RIMS2: variants seen among roughly 807,000 people sequenced by gnomAD.
RIMS2 encodes the protein regulating synaptic membrane exocytosis 2, also known as regulating synaptic membrane exocytosis protein 2.
A neutral mutation model predicts 174.4 loss-of-function variants in RIMS2; 59 were observed. That is an observed-to-expected ratio of 0.34 (90% confidence interval 0.27 to 0.42). The LOEUF (loss-of-function observed/expected upper bound fraction) is 0.42. Ranked by LOEUF, RIMS2 falls within the 10% of genes least tolerant of loss-of-function variation. RIMS2 has a pLI of 1.00. For synonymous variants in RIMS2, 606 were observed against 572.5 expected (o/e 1.06, Z -0.84); for missense variants, 1,620 against 1,666.3 (o/e 0.97, Z 0.48).
intron 17 of RIMS2, among the ~76,000 whole-genome samples, chr8:104,000,935 G>T (rs921363128): frequency 6.6e-6 from 1 of 151,794 alleles, no homozygotes; most frequent in Non-Finnish European, 1.5e-5. Context: ...CTATTGAGTT[G>T]TTTGAGTTCC....
At chr8:103,800,719 G>T (rs895323544) in intron 3 of RIMS2, among the ~76,000 whole-genome samples, 3 of 152,072 alleles carry the variant, frequency 2.0e-5, no homozygotes, top group Non-Finnish European at 4.4e-5. Flanking sequence ...TGTATTGCTG[G>T]ATTGGATTTA....
intron 3 of RIMS2, among the ~76,000 whole-genome samples, chr8:103,836,226 A>G (rs533242232): frequency 6.6e-6 from 1 of 152,326 alleles, no homozygotes; most frequent in East Asian, 1.9e-4. Flanking sequence ...GAAGAATTTT[A>G]TGATAATTAT....
intron 2 of RIMS2, among the ~76,000 whole-genome samples, chr8:103,697,798 G>A (rs1340093262): frequency 3.3e-5 from 5 of 152,044 alleles, no homozygotes; most frequent in Admixed American, 3.3e-4. Context: ...AGGCTGAGGT[G>A]GGCGGATCAC....
At chr8:103,527,607 T>A (rs1834723472) in intron 1 of RIMS2, among the ~76,000 whole-genome samples, 1 of 152,112 alleles carries the variant, frequency 6.6e-6, no homozygotes, top group African/African-American at 2.4e-5. Flanking sequence ...GTTCTCGTTG[T>A]TCAGTTCCCA....
chr8:103,998,233 T>C (rs1345606589), intron 17 of RIMS2: 1 of 1,609,212 alleles, frequency 6.2e-7, no homozygotes, highest in East Asian at 2.2e-5. Flanking sequence ...CCATTGACCA[T>C]CATCACAGGG....
chr8:103,898,488 A>T lies in RIMS2; in HGVS notation c.1625-11646A>T, dbSNP rs187380748. Among the ~76,000 whole-genome samples, 10 of 151,802 alleles carry T rather than the reference A, an allele frequency of 6.6e-5. No individual in the cohort carries two copies. In the East Asian group the frequency reaches 1.9e-3, roughly 29 times the overall value. On this transcript the variant is annotated intron_variant, in intron 4 of 23. Coordinates refer to ENST00000504942, the Ensembl canonical transcript of RIMS2. ...GGGAAGATGCAACATCTGGCATGTTAACCTGAGATGGGGCTACTACTTGAT... is the reference window on the plus strand; with the variant it reads ...GGGAAGATGCAACATCTGGCATGTTTACCTGAGATGGGGCTACTACTTGAT...
chr8:104,065,126 G>T (rs1025585533), intron 19 of RIMS2, among the ~76,000 whole-genome samples: 1 of 151,964 alleles, frequency 6.6e-6, no homozygotes, highest in Admixed American at 6.6e-5. Flanking sequence ...GTGTTCTGTG[G>T]TCAAGTGGTT....
chr8:103,735,288 G>A (rs1385384491), intron 2 of RIMS2, among the ~76,000 whole-genome samples: 1 of 152,148 alleles, frequency 6.6e-6, no homozygotes, highest in African/African-American at 2.4e-5. Flanking sequence ...GATTTTCATT[G>A]TTAAAGTGGG....
chr8:104,164,741 A>G lies in RIMS2; in HGVS notation c.3335-80175A>G, dbSNP rs150864421. On this transcript the variant is annotated intron_variant, in intron 19 of 23. Coordinates refer to ENST00000504942, the Ensembl canonical transcript of RIMS2. ...CCACATGTTCTTACTTATAAGTGGA[A>G]GGTAAATGATGAGGACTCATGGACA... Among the ~76,000 whole-genome samples, 122 of 152,322 alleles carry G rather than the reference A, an allele frequency of 8.0e-4. 1 individual carries two copies. The highest frequency in any genetic ancestry group is 2.8e-3 in the African/African-American group (115 of 41,564).
At chr8:103,651,469 T>C (rs2096451463) in intron 1 of RIMS2, among the ~76,000 whole-genome samples, 1 of 152,216 alleles carries the variant, frequency 6.6e-6, no homozygotes, top group African/African-American at 2.4e-5. Context: ...AATATAAAAA[T>C]ATCTTCTCAT....
intron 1 of RIMS2, among the ~76,000 whole-genome samples, chr8:103,608,071 G>A (rs1309105617): frequency 6.7e-6 from 1 of 149,838 alleles, no homozygotes; most frequent in Non-Finnish European, 1.5e-5. Flanking sequence ...GAGGAGGAGA[G>A]GCGCTCTGCT....
intron 1 of RIMS2, among the ~76,000 whole-genome samples, chr8:103,592,809 G>T (rs1039038088): frequency 6.6e-6 from 1 of 151,276 alleles, no homozygotes; most frequent in East Asian, 1.9e-4. Context: ...TTGACTTAAG[G>T]TCTTTAATGA....
chr8:103,983,273 C>T (rs2094069693), intron 16 of RIMS2, among the ~76,000 whole-genome samples: 1 of 152,104 alleles, frequency 6.6e-6, no homozygotes, highest in Non-Finnish European at 1.5e-5. Context: ...GAAAGATGTT[C>T]CATGTTCATG....
At chr8:103,596,829 A>G (rs927730945) in intron 1 of RIMS2, among the ~76,000 whole-genome samples, 1 of 152,118 alleles carries the variant, frequency 6.6e-6, no homozygotes, top group African/African-American at 2.4e-5. Flanking sequence ...TTTTAAAGAC[A>G]CAGCTTAAGC....
At chr8:103,746,185 T>G (rs1443582721) in intron 2 of RIMS2, among the ~76,000 whole-genome samples, 1 of 152,248 alleles carries the variant, frequency 6.6e-6, no homozygotes, top group Non-Finnish European at 1.5e-5. Context: ...ATTGTTCCAG[T>G]GCCATTTATT....
rs931855861 is a variant in RIMS2 at position 103,604,149 on chromosome 8, T to G, written c.177-92937T>G. On this transcript the variant is annotated intron_variant, in intron 1 of 23. Transcript: ENST00000504942. ...GGTTTTAGGTCTAACGTTTAAGTCT[T>G]TAATCCATCTTGAATTAATTTTTGT... 1.1e-3 allele frequency among the ~76,000 whole-genome samples: 169 copies of G among 150,160 alleles called. 2 individuals carry two copies. Among genetic ancestry groups the G allele is most frequent in the Middle Eastern group, 3.4e-3 (1 of 294 alleles).
chr8:103,572,241 G>A (rs2092873974), intron 1 of RIMS2, among the ~76,000 whole-genome samples: 1 of 152,182 alleles, frequency 6.6e-6, no homozygotes, highest in Non-Finnish European at 1.5e-5. Context: ...AAGATTTATT[G>A]TGAAGAGCGA....
At chr8:103,643,710 C>T (rs2096273100) in intron 1 of RIMS2, among the ~76,000 whole-genome samples, 1 of 151,894 alleles carries the variant, frequency 6.6e-6, no homozygotes, top group Non-Finnish European at 1.5e-5. Context: ...AGTTGTTTCA[C>T]CTGTTATTAT....
intron 3 of RIMS2, chr8:103,819,436 T>A (rs1358533811): frequency 6.3e-7 from 1 of 1,593,628 alleles, no homozygotes; most frequent in Non-Finnish European, 8.5e-7. Flanking sequence ...TATTTGATGG[T>A]GTCAGCAAAT....
Sources: gnomAD v4.1 joint callset for allele counts (sites outside exome capture counted in the v4.1 genomes callset) on GRCh38, gnomAD v4.1.1 for gene constraint, MANE v1.5 for transcripts, NCBI Gene and HGNC (gene_info 2026-07-23, HGNC 2026-07-21) for gene names.